The following PALS2 variants were observed in gnomAD, a reference collection of about 807,000 sequenced individuals.
PALS2 encodes the protein protein PALS2.
PALS2 carries 27 observed loss-of-function variants against 61.6 expected under a neutral mutation model. The observed-to-expected ratio is 0.44, with a 90% CI of 0.32 to 0.60. The LOEUF is 0.60. Among genes scored for constraint, PALS2 ranks in the 20% least tolerant of loss-of-function variants. PALS2 has a pLI of 0.05. For synonymous variants in PALS2, 236 were observed against 218.6 expected, an observed-to-expected ratio of 1.08 and a Z score of -0.70; for missense variants, 554 against 639.4, an observed-to-expected ratio of 0.87 and a Z score of 1.44.
rs140488356 is a variant in PALS2 at position 24,636,497 on chromosome 7, T to A, written c.118-5219T>A. On this transcript the variant is annotated intron_variant, in intron 2 of 11. Coordinates refer to ENST00000222644, the MANE Select transcript of PALS2 (RefSeq NM_001303037.2). ...GTGACTATTGCAAATAACTATGTAA[T>A]ACATATTTCAAGATAGCTAGAAGAG... Among the ~76,000 whole-genome samples, 495 of 152,306 alleles carry A rather than the reference T, an allele frequency of 3.3e-3. 1 individual carries two copies. Among genetic ancestry groups the A allele is most frequent in the Non-Finnish European group, 4.9e-3 (330 of 68,030 alleles).
intron 1 of PALS2, among the ~76,000 whole-genome samples, chr7:24,577,021 A>G (rs1021529303): frequency 1.3e-5 from 2 of 152,178 alleles, no homozygotes; most frequent in African/African-American, 4.8e-5. Context: ...GTCCAATTCA[A>G]TAATAATGAA....
chr7:24,668,524 A>G lies in PALS2; in HGVS notation c.978A>G (p.Ile326Met). The G allele has an allele frequency of 1.2e-6, 2 of 1,613,414 alleles. No homozygotes were observed. Reference protein sequence around the residue: ...NAEFDRHEIQIYEEVAKMPPF... With the variant: ...NAEFDRHEIQMYEEVAKMPPF... ...AATTTGATCGTCATGAAATCCAGAT[A>G]TATGAGGAGGTAGCCAAAATGCCTC... Residue 326 changes from isoleucine to methionine, a missense_variant, in exon 9 of 12, where the codon ATA (isoleucine) becomes ATG (methionine). Physicochemically the swap from Ile to Met is conservative, Grantham distance 10. Coordinates refer to ENST00000222644, the MANE Select transcript of PALS2 (RefSeq NM_001303037.2).
At position 24,624,605 on chromosome 7, in the gene PALS2, C is replaced by CTTCTTTTTT. The variant is rs1554302487; in HGVS notation, c.117+823_117+824insCTTTTTTTT. Among the ~76,000 whole-genome samples the CTTCTTTTTT allele has an allele frequency of 7.5e-3, 648 of 86,304 alleles. 102 individuals are homozygous for CTTCTTTTTT. The highest frequency in any genetic ancestry group is 0.04 in the African/African-American group (612 of 15,410). 56.6% of individuals were successfully genotyped at this position (86,304 alleles called of 152,430 possible). On this transcript the variant is annotated intron_variant, in intron 2 of 11. Transcript: ENST00000222644. ...GAGTGAATTAATGATGCAGATTCTTCTTTTTTTTTTTTTTTTTTTGAGAGG... is the reference window on the plus strand; with the variant it reads ...GAGTGAATTAATGATGCAGATTCTTCTTCTTTTTTTTTTTTTTTTTTTTTTTTTGAGAGG...
intron 5 of PALS2, among the ~76,000 whole-genome samples, chr7:24,657,231 G>C (rs573527990): frequency 6.6e-6 from 1 of 152,110 alleles, no homozygotes; most frequent in African/African-American, 2.4e-5. Flanking sequence ...TATATACCAG[G>C]GGTTGAAGGA....
chr7:24,661,249 A>G (rs1274447203), intron 5 of PALS2, among the ~76,000 whole-genome samples: 2 of 152,132 alleles, frequency 1.3e-5, no homozygotes. Flanking sequence ...TTTTTCAGAC[A>G]AATTTTCAAA....
intron 6 of PALS2, 100 bp from the exon 7 acceptor site, chr7:24,665,488 C>A: frequency 9.9e-7 from 1 of 1,013,036 alleles, no homozygotes; most frequent in African/African-American, 1.6e-5. Flanking sequence ...TTTTTAAGAG[C>A]AAATGTGACT....
intron 5 of PALS2, among the ~76,000 whole-genome samples, chr7:24,652,890 A>G (rs977367543): frequency 6.6e-6 from 1 of 152,226 alleles, no homozygotes; most frequent in Non-Finnish European, 1.5e-5. Context: ...GTAAAAGTCC[A>G]GAATCTGCTA....
chr7:24,677,188 A>G (rs1446665045), intron 9 of PALS2, among the ~76,000 whole-genome samples: 4 of 152,286 alleles, frequency 2.6e-5, no homozygotes, highest in East Asian at 3.9e-4. Context: ...TTGTTGGTGT[A>G]TAAGAATGCT....
chr7:24,685,602 T>C (rs1788154838), intron 11 of PALS2, among the ~76,000 whole-genome samples: 1 of 152,106 alleles, frequency 6.6e-6, no homozygotes, highest in African/African-American at 2.4e-5. Context: ...AGAGAATCTT[T>C]ATTCCTGTTC....
At position 24,596,419 on chromosome 7, in the gene PALS2, A is replaced by G. The variant is rs1783526743; in HGVS notation, c.-3+22826A>G. Among the ~76,000 whole-genome samples, 1 of 152,190 alleles carries G rather than the reference A, an allele frequency of 6.6e-6. No homozygotes were observed. The highest frequency in any genetic ancestry group is 2.4e-5 in the African/African-American group (1 of 41,460). ...AAGTATTATTTTGAAAACAGACCCT[A>G]TCAATGAAATTTATTCTAAAATTAC... is the stretch of plus-strand genomic sequence containing the variant. On this transcript the variant is annotated intron_variant, in intron 1 of 11. Coordinates refer to ENST00000222644, the MANE Select transcript of PALS2 (RefSeq NM_001303037.2). This position sits in a 1 kb window ranked among gnomAD's most constrained non-coding sequence, Gnocchi z 4.5.
intron 3 of PALS2, among the ~76,000 whole-genome samples, chr7:24,642,515 A>G (rs572048667): frequency 1.3e-5 from 2 of 152,312 alleles, no homozygotes; most frequent in Admixed American, 1.3e-4. Flanking sequence ...AATCCCCGAT[A>G]AATACATCCA....
At chr7:24,647,287 G>A (rs1428329196) in intron 3 of PALS2, among the ~76,000 whole-genome samples, 3 of 151,786 alleles carry the variant, frequency 2.0e-5, no homozygotes, top group Non-Finnish European at 2.9e-5. Context: ...GCTGGGACTA[G>A]GCAGTCACGT....
chr7:24,649,093 T>C (rs1786002218), intron 3 of PALS2, among the ~76,000 whole-genome samples: 8 of 152,154 alleles, frequency 5.3e-5, no homozygotes, highest in Admixed American at 5.2e-4. Context: ...AAATTTTTTG[T>C]CACTGATATA....
rs145720562 is a variant in PALS2 at position 24,603,995 on chromosome 7, A to G, written c.-2-19671A>G. Among the ~76,000 whole-genome samples the G allele has an allele frequency of 1.7e-4, 26 of 152,282 alleles. No homozygotes were observed. In the East Asian group the frequency reaches 4.2e-3, roughly 25 times the overall value. Reference sequence around the variant, plus strand: ...AATAAAACGGACTCTGACTGGGCTCAGTGTTGGATTTAATGAAGACTTCAA... The same window carrying G: ...AATAAAACGGACTCTGACTGGGCTCGGTGTTGGATTTAATGAAGACTTCAA... On this transcript the variant is annotated intron_variant, in intron 1 of 11. Coordinates refer to ENST00000222644, the MANE Select transcript of PALS2 (RefSeq NM_001303037.2).
intron 9 of PALS2, among the ~76,000 whole-genome samples, chr7:24,675,372 T>C (rs1224900676): frequency 2.0e-5 from 3 of 149,574 alleles, no homozygotes; most frequent in Non-Finnish European, 3.0e-5. Context: ...TTTTTTTATT[T>C]TTTTAAGGTT....
intron 3 of PALS2, among the ~76,000 whole-genome samples, chr7:24,646,127 A>G (rs913781028): frequency 6.6e-6 from 1 of 152,060 alleles, no homozygotes; most frequent in Non-Finnish European, 1.5e-5. Context: ...CTCTCATCCT[A>G]TCTGGATGCC....
rs369499598 is a variant in PALS2 at position 24,679,939 on chromosome 7, A to T, written c.1318-453A>T. Among the ~76,000 whole-genome samples the T allele has an allele frequency of 1.4e-4, 22 of 152,236 alleles. No individual in the cohort carries two copies. In the East Asian group the frequency reaches 3.7e-3, roughly 25 times the overall value. Reference sequence around the variant, plus strand: ...ACATAAATGGAAAAATTCTATATAGATTCTTCAGGGGTTTTATTAAATAGA... The same window carrying T: ...ACATAAATGGAAAAATTCTATATAGTTTCTTCAGGGGTTTTATTAAATAGA... On this transcript the variant is annotated intron_variant, in intron 10 of 11. Coordinates refer to ENST00000222644, the MANE Select transcript of PALS2 (RefSeq NM_001303037.2).
Position 24,688,297 on chromosome 7 carries a change from G to T in PALS2, c.*683G>T, listed in dbSNP as rs1006949890. The T allele has an allele frequency of 1.3e-5, 2 of 152,040 alleles. No homozygotes were observed. Among genetic ancestry groups the T allele is most frequent in the African/African-American group, 4.8e-5 (2 of 41,390 alleles). The allele number at this position is 152,040 out of a possible 1,614,324, so 9.4% of individuals were successfully genotyped here. ...GCAATACCTTGCACTCTCTTTTGAGGTTATTCTTTTTATTTGTTGCAGTGA... is the reference window on the plus strand; with the variant it reads ...GCAATACCTTGCACTCTCTTTTGAGTTTATTCTTTTTATTTGTTGCAGTGA... On this transcript the variant is annotated 3_prime_UTR_variant, in exon 12 of 12. Transcript: ENST00000222644.
intron 1 of PALS2, among the ~76,000 whole-genome samples, chr7:24,574,525 A>G (rs896690486): frequency 2.0e-5 from 3 of 151,668 alleles, no homozygotes; most frequent in African/African-American, 7.3e-5. Flanking sequence ...GCATCTGTGT[A>G]GGGGGTGGGG....
Sources: allele counts gnomAD v4.1 joint callset (sites outside exome capture counted in the v4.1 genomes callset), GRCh38; gene constraint gnomAD v4.1.1; non-coding constraint Gnocchi (gnomAD v3.1); transcripts MANE v1.5; gene names NCBI Gene and HGNC (gene_info 2026-07-23, HGNC 2026-07-21).